Variants in TAOK3 observed in about 807,000 individuals in gnomAD.
TAOK3 encodes serine/threonine-protein kinase TAO3.
In TAOK3, 40 loss-of-function variants were observed where a neutral mutation model predicts 120.4. The observed-to-expected ratio is 0.33, with a 90% CI of 0.26 to 0.43. The LOEUF (loss-of-function observed/expected upper bound fraction) is 0.43, where lower values mean the gene tolerates loss of function less well. Among genes scored for constraint, TAOK3 ranks in the 20% least tolerant of loss-of-function variants. The pLI is 1.00. For missense variants in TAOK3, 821 were observed against 1,112.1 expected (o/e 0.74, Z 3.72); for synonymous variants, 355 against 387.5 (o/e 0.92, Z 0.99).
At chr12:118,184,169 C>T (rs2036936583) in intron 14 of TAOK3, among the ~76,000 whole-genome samples, 1 of 152,110 alleles carries the variant, frequency 6.6e-6, no homozygotes, top group Non-Finnish European at 1.5e-5. Flanking sequence ...GGATAATTAC[C>T]TTCTTAAACT....
At chr12:118,277,116 GTTA>G (rs773528308) in intron 1 of TAOK3, among the ~76,000 whole-genome samples, 47 of 152,322 alleles carry the variant, frequency 3.1e-4, no homozygotes, top group Non-Finnish European at 5.7e-4. Flanking sequence ...CAGTACAGAT[GTTA>G]TTATTTTGTT....
At position 118,161,667 on chromosome 12, in the gene TAOK3, T is replaced by C. The variant is rs2035226836; in HGVS notation, c.2139+121A>G. 9 of 1,305,646 alleles carry C rather than the reference T, an allele frequency of 6.9e-6. No individual in the cohort carries two copies. Among genetic ancestry groups the C allele is most frequent in the Admixed American group, 2.1e-5 (1 of 47,456 alleles). The allele number at this position is 1,305,646 out of a possible 1,614,324, so 80.9% of individuals were successfully genotyped here. A position where few individuals can be genotyped will look rare whatever the true frequency, so the allele number is the denominator to read the frequency against. On this transcript the variant is annotated intron_variant, in intron 18 of 20. Transcript: ENST00000392533. The surrounding 1 kb of genome is among the most constrained non-coding windows in gnomAD (Gnocchi z 4.5). ...CTCTGTGCTTTGCAACTGGAGATTC[T>C]GATACAATAGGTGTGGGGTGCAGAA... is the stretch of plus-strand genomic sequence containing the variant.
At chr12:118,253,632 G>A (rs1011812689) in intron 3 of TAOK3, among the ~76,000 whole-genome samples, 16 of 151,976 alleles carry the variant, frequency 1.1e-4, no homozygotes, top group African/African-American at 3.9e-4. Context: ...AGCTACTCAG[G>A]AGGCTGAGGC....
intron 1 of TAOK3, among the ~76,000 whole-genome samples, chr12:118,284,790 C>G (rs1431430393): frequency 3.3e-5 from 5 of 151,980 alleles, no homozygotes; most frequent in Non-Finnish European, 2.9e-5. Context: ...AGTAAGAATT[C>G]AACTTTGAGG....
chr12:118,256,648 C>G (rs193235126), intron 2 of TAOK3, among the ~76,000 whole-genome samples: 1 of 152,126 alleles, frequency 6.6e-6, no homozygotes, highest in South Asian at 2.1e-4. Context: ...AGATACCAGT[C>G]ACAAAAGACC....
At chr12:118,293,943 A>G (rs1444996558) in intron 1 of TAOK3, among the ~76,000 whole-genome samples, 2 of 151,610 alleles carry the variant, frequency 1.3e-5, no homozygotes, top group African/African-American at 4.9e-5. Flanking sequence ...TGAACCCGGG[A>G]GGCAGAGGTT....
chr12:118,223,256 A>G (rs1245740936), intron 9 of TAOK3, among the ~76,000 whole-genome samples: 2 of 150,836 alleles, frequency 1.3e-5, no homozygotes, highest in Non-Finnish European at 2.9e-5. Context: ...TATTTTTAGT[A>G]GAGACGGGGT....
intron 4 of TAOK3, among the ~76,000 whole-genome samples, chr12:118,244,633 A>G (rs1270359438): frequency 6.9e-6 from 1 of 144,664 alleles, no homozygotes; most frequent in Non-Finnish European, 1.5e-5. Flanking sequence ...GGTTCACGCC[A>G]TTCTCCTGCC....
chr12:118,362,047 G>A (rs747470825), intron 1 of TAOK3, among the ~76,000 whole-genome samples: 3 of 152,018 alleles, frequency 2.0e-5, no homozygotes, highest in African/African-American at 7.3e-5. Context: ...TTAAAATAAC[G>A]AAACCTTTTT....
chr12:118,267,762 G>C (rs1336442756), intron 1 of TAOK3, among the ~76,000 whole-genome samples: 1 of 150,844 alleles, frequency 6.6e-6, no homozygotes, highest in East Asian at 2.0e-4. Context: ...GCATGTGCCT[G>C]TAATCCCAGC....
chr12:118,230,534 C>T (rs532382038), intron 9 of TAOK3, among the ~76,000 whole-genome samples: 83 of 119,088 alleles, frequency 7.0e-4, no homozygotes, highest in Non-Finnish European at 1.0e-3. Context: ...TGCAGTGGTG[C>T]GATCTCTCAC....
At chr12:118,269,567 G>C (rs1304945270) in intron 1 of TAOK3, among the ~76,000 whole-genome samples, 2 of 151,470 alleles carry the variant, frequency 1.3e-5, no homozygotes, top group African/African-American at 4.8e-5. Flanking sequence ...ATGGGGTTTC[G>C]TTATATTGGC....
intron 1 of TAOK3, among the ~76,000 whole-genome samples, chr12:118,339,829 C>T (rs1031522551): frequency 3.3e-5 from 5 of 152,082 alleles, no homozygotes; most frequent in Non-Finnish European, 5.9e-5. Context: ...CCACCGCGCC[C>T]GGCTTTAGTT....
At chr12:118,235,824 T>C (rs1409709869) in intron 7 of TAOK3, 153 bp from the exon 8 acceptor site, 1 of 575,784 alleles carries the variant, frequency 1.7e-6, no homozygotes, top group Non-Finnish European at 3.1e-6. Context: ...GGAGATTTAG[T>C]AATTACTGCA....
intron 1 of TAOK3, among the ~76,000 whole-genome samples, chr12:118,320,296 A>G (rs1712623405): frequency 6.6e-6 from 1 of 152,136 alleles, no homozygotes; most frequent in South Asian, 2.1e-4. Context: ...CCTTATGACA[A>G]GTTTCTACGA....
rs1466001391 is a variant in TAOK3, at chr12:118,372,360, C to T, written c.-194+288G>A. 7.4e-6 allele frequency among the ~76,000 whole-genome samples: 1 copy of T among 135,448 alleles called. No individual in the cohort carries two copies. Among genetic ancestry groups the T allele is most frequent in the Non-Finnish European group, 1.6e-5 (1 of 62,504 alleles). The allele number at this position is 135,448 out of a possible 152,430, so 88.9% of individuals were successfully genotyped here. A position where few individuals can be genotyped will look rare whatever the true frequency, so the allele number is the denominator to read the frequency against. On this transcript the variant is annotated intron_variant, in intron 1 of 20. Coordinates refer to ENST00000392533, the MANE Select transcript of TAOK3 (RefSeq NM_016281.4). This position sits in a 1 kb window ranked among gnomAD's most constrained non-coding sequence, Gnocchi z 4.6. ...GAGGCACCCACCCCTCACCCCACTA[C>T]CCCAGCCCCTCTCCGGGTCCCTTCC...
intron 15 of TAOK3, among the ~76,000 whole-genome samples, chr12:118,179,111 G>A (rs906645635): frequency 1.3e-5 from 2 of 152,226 alleles, no homozygotes; most frequent in African/African-American, 4.8e-5. Flanking sequence ...TCTGGGCAGA[G>A]GTTTTCATGC....
At chr12:118,257,540 T>A (rs2041041247) in intron 2 of TAOK3, among the ~76,000 whole-genome samples, 1 of 152,164 alleles carries the variant, frequency 6.6e-6, no homozygotes, top group Non-Finnish European at 1.5e-5. Flanking sequence ...TGCCAACGTT[T>A]ACACTGATCA....
intron 1 of TAOK3, among the ~76,000 whole-genome samples, chr12:118,364,379 AGGTATAAAGT>A (rs1404824267): frequency 6.6e-6 from 1 of 151,894 alleles, no homozygotes; most frequent in Non-Finnish European, 1.5e-5. Context: ...GACCACTGAG[AGGTATAAAGT>A]GGAAGATGTT....
Sources: allele counts gnomAD v4.1 joint callset (sites outside exome capture counted in the v4.1 genomes callset), GRCh38; gene constraint gnomAD v4.1.1; non-coding constraint Gnocchi (gnomAD v3.1); transcripts MANE v1.5; gene names NCBI Gene and HGNC (gene_info 2026-07-23, HGNC 2026-07-21).